LPP: variants seen among roughly 807,000 people sequenced by gnomAD.
LPP encodes the protein lipoma-preferred partner.
Under a neutral mutation model 60.4 loss-of-function variants are expected in LPP, and 38 were observed. The observed-to-expected ratio is 0.63, with a 90% CI of 0.49 to 0.83. The LOEUF (loss-of-function observed/expected upper bound fraction) is 0.83, where lower values mean the gene tolerates loss of function less well. Among genes scored for constraint, LPP ranks in the 40% least tolerant of loss-of-function variants. LPP has a pLI of 0.00. For missense variants in LPP, 902 were observed against 783.6 expected (o/e 1.15, Z -1.80); for synonymous variants, 328 against 290.8 (o/e 1.13, Z -1.30).
intron 3 of LPP, among the ~76,000 whole-genome samples, chr3:188,346,795 A>C (rs1409571714): frequency 6.6e-6 from 1 of 152,180 alleles, no homozygotes; most frequent in East Asian, 1.9e-4. Flanking sequence ...CTATGTGGGA[A>C]GTATGAGATG....
intron 11 of LPP, among the ~76,000 whole-genome samples, chr3:188,873,970 T>C (rs1768837151): frequency 6.6e-6 from 1 of 152,054 alleles, no homozygotes; most frequent in African/African-American, 2.4e-5. Context: ...CTTAAACTAA[T>C]GGTAAAGGGT....
chr3:188,823,809 G>A (rs554778046), intron 9 of LPP, among the ~76,000 whole-genome samples: 5 of 151,968 alleles, frequency 3.3e-5, no homozygotes, highest in South Asian at 4.1e-4. Flanking sequence ...AAGTGTATAC[G>A]TTTCTTAATG....
At chr3:188,445,366 A>G (rs989995327) in intron 4 of LPP, among the ~76,000 whole-genome samples, 1 of 152,208 alleles carries the variant, frequency 6.6e-6, no homozygotes, top group Non-Finnish European at 1.5e-5. Flanking sequence ...GGAAACCATC[A>G]TTCTCAGCAA....
intron 7 of LPP, among the ~76,000 whole-genome samples, chr3:188,617,257 A>G (rs1417341584): frequency 2.0e-5 from 3 of 152,210 alleles, no homozygotes; most frequent in African/African-American, 7.2e-5. Flanking sequence ...CAGATGAGAA[A>G]ACTGAGGCCT....
intron 4 of LPP, among the ~76,000 whole-genome samples, chr3:188,408,282 A>G (rs1784140272): frequency 6.6e-6 from 1 of 152,176 alleles, no homozygotes; most frequent in African/African-American, 2.4e-5. Context: ...CCTGAGCGTT[A>G]TGGTGAGGGC....
intron 1 of LPP, among the ~76,000 whole-genome samples, chr3:188,203,445 A>T (rs1157634812): frequency 4.4e-5 from 4 of 91,168 alleles, no homozygotes; most frequent in Non-Finnish European, 1.9e-5. Flanking sequence ...ATATATTTAT[A>T]TAAATATATA....
At chr3:188,672,426 A>G (rs1290756694) in intron 7 of LPP, among the ~76,000 whole-genome samples, 11 of 152,008 alleles carry the variant, frequency 7.2e-5, no homozygotes, top group Non-Finnish European at 1.5e-5. Flanking sequence ...TGTTTATGCA[A>G]CTTTTTCTTA....
chr3:188,298,582 C>CT (rs1748700593), intron 2 of LPP, among the ~76,000 whole-genome samples: 1 of 152,172 alleles, frequency 6.6e-6, no homozygotes, highest in Admixed American at 6.5e-5. Flanking sequence ...ATGAGTACCC[C>CT]TTCTCAAACT....
rs1282333374 is a variant in LPP, at chr3:188,875,821, T to C, written c.*1342T>C. The C allele has an allele frequency of 1.0e-5, 2 of 194,584 alleles. No individual in the cohort carries two copies. Among genetic ancestry groups the C allele is most frequent in the African/African-American group, 2.3e-5 (1 of 43,194 alleles). The allele number at this position is 194,584 out of a possible 1,614,324, so 12.1% of individuals were successfully genotyped here. A position where few individuals can be genotyped will look rare whatever the true frequency, so the allele number is the denominator to read the frequency against. ...CTTGCCAACTGCCAAGCCATACTTA[T>C]TAAGTTCGAACATGTTTCACTTAAG... On this transcript the variant is annotated 3_prime_UTR_variant, in exon 12 of 12. Coordinates refer to ENST00000617246, the MANE Select transcript of LPP (RefSeq NM_001375462.1).
chr3:188,224,522 G>C (rs774157747), intron 1 of LPP, among the ~76,000 whole-genome samples: 1 of 152,098 alleles, frequency 6.6e-6, no homozygotes, highest in Non-Finnish European at 1.5e-5. Flanking sequence ...GGCTATTCTA[G>C]CATTGCCATA....
intron 3 of LPP, 59 bp downstream of exon 3, chr3:188,341,778 A>G (rs1763125440): frequency 1.6e-6 from 1 of 628,732 alleles, no homozygotes; most frequent in Non-Finnish European, 2.0e-6. Context: ...TGAGCCAGTA[A>G]TGTTGATTTT....
At chr3:188,332,731 C>T (rs1760456576) in intron 2 of LPP, among the ~76,000 whole-genome samples, 2 of 152,100 alleles carry the variant, frequency 1.3e-5, no homozygotes, top group African/African-American at 2.4e-5. Flanking sequence ...GCTGCTTCAT[C>T]GAACATTTTT....
intron 1 of LPP, among the ~76,000 whole-genome samples, chr3:188,219,026 T>C (rs1433681664): frequency 9.1e-6 from 1 of 109,780 alleles, no homozygotes; most frequent in African/African-American, 3.6e-5. Flanking sequence ...ACCAGGAAGA[T>C]GGGGCAGTTT....
chr3:188,666,259 C>T (rs774526363), intron 7 of LPP, among the ~76,000 whole-genome samples: 5 of 152,208 alleles, frequency 3.3e-5, no homozygotes, highest in Non-Finnish European at 5.9e-5. Context: ...ACCTCAGAAG[C>T]TATTCAGTCT....
intron 4 of LPP, among the ~76,000 whole-genome samples, chr3:188,448,429 GAT>G (rs201434777): frequency 7.6e-6 from 1 of 131,418 alleles, no homozygotes; most frequent in Admixed American, 7.5e-5. Flanking sequence ...TTTAGATAAA[GAT>G]ATCTATATTT....
chr3:188,571,035 T>C (rs535619054), intron 6 of LPP, among the ~76,000 whole-genome samples: 1 of 152,200 alleles, frequency 6.6e-6, no homozygotes, highest in African/African-American at 2.4e-5. Flanking sequence ...ACCTCCCAAG[T>C]AATTGTTCAG....
At chr3:188,857,541 G>A (rs2151914057) in intron 9 of LPP, among the ~76,000 whole-genome samples, 1 of 152,278 alleles carries the variant, frequency 6.6e-6, no homozygotes, top group Middle Eastern at 3.4e-3. Flanking sequence ...TTTAAGGATT[G>A]TACCAAATCA....
At chr3:188,646,633 A>G (rs1851152804) in intron 7 of LPP, among the ~76,000 whole-genome samples, 1 of 152,204 alleles carries the variant, frequency 6.6e-6, no homozygotes, top group Non-Finnish European at 1.5e-5. Flanking sequence ...AAAACCACTG[A>G]TATCTTGCTA....
intron 9 of LPP, among the ~76,000 whole-genome samples, chr3:188,800,299 G>A (rs1746713008): frequency 7.0e-6 from 1 of 143,192 alleles, no homozygotes; most frequent in Middle Eastern, 3.4e-3. Flanking sequence ...AGGCTGGGGT[G>A]CAGTGGCGCG....
Sources: gnomAD v4.1 joint callset for allele counts (sites outside exome capture counted in the v4.1 genomes callset) on GRCh38, gnomAD v4.1.1 for gene constraint, MANE v1.5 for transcripts, NCBI Gene and HGNC (gene_info 2026-07-23, HGNC 2026-07-21) for gene names.